The following CHD6 variants were observed in gnomAD, a reference collection of about 807,000 sequenced individuals.
CHD6 encodes ATP-dependent chromatin remodeler CHD6.
CHD6 carries 50 observed loss-of-function variants against 276.9 expected under a neutral mutation model. The ratio of observed to expected loss-of-function variants is 0.18; its 90% CI spans 0.14 to 0.23. CHD6 has a LOEUF of 0.23. Among genes scored for constraint, CHD6 ranks in the 10% least tolerant of loss-of-function variants. CHD6 has a pLI of 1.00. For synonymous variants in CHD6, 1,173 were observed against 1,229.3 expected (o/e 0.95, Z 0.96); for missense variants, 2,564 against 3,365.8 (o/e 0.76, Z 5.89).
intron 27 of CHD6, among the ~76,000 whole-genome samples, chr20:41,435,563 C>T (rs1040153508): frequency 6.8e-5 from 10 of 146,486 alleles, no homozygotes; most frequent in African/African-American, 2.5e-4. Flanking sequence ...ATGATTGCAT[C>T]ACCACACTCC....
At chr20:41,522,887 G>A (rs1294533235) in intron 3 of CHD6, among the ~76,000 whole-genome samples, 1 of 152,096 alleles carries the variant, frequency 6.6e-6, no homozygotes, top group African/African-American at 2.4e-5. Flanking sequence ...TTTTTACCAT[G>A]GTGATTGGTC....
Position 41,452,147 on chromosome 20 carries a change from A to G in CHD6, c.3324-122T>C. ...TTTGTTCTCTGTAGGTCTGTTAATC[A>G]TCCCAAGGGCTTTGTCCCGAAAGGC... On this transcript the variant is annotated intron_variant, in intron 21 of 36. Coordinates refer to ENST00000373233, the MANE Select transcript of CHD6 (RefSeq NM_032221.5). The surrounding 1 kb of genome is among the most constrained non-coding windows in gnomAD (Gnocchi z 4.2). 2 of 762,396 alleles carry G rather than the reference A, an allele frequency of 2.6e-6. No individual in the cohort carries two copies. Among genetic ancestry groups the G allele is most frequent in the Non-Finnish European group, 4.5e-6 (2 of 447,304 alleles). The allele number at this position is 762,396 out of a possible 1,614,324, so 47.2% of individuals were successfully genotyped here. A position where few individuals can be genotyped will look rare whatever the true frequency, so the allele number is the denominator to read the frequency against.
rs370012274 is a variant in CHD6, at chr20:41,483,341, G to C, written c.2436C>G (p.Leu812=). 1.9e-5 allele frequency: 31 copies of C among 1,613,430 alleles called. No homozygotes were observed. In the East Asian group the frequency reaches 6.0e-4, roughly 31 times the overall value. Residue 812 remains leucine, a synonymous_variant, in exon 16 of 37, where the codon CTC becomes CTG. Coordinates refer to ENST00000373233, the MANE Select transcript of CHD6 (RefSeq NM_032221.5). ...GGATGAGGTAATCTTCTAGGATGTC[G>C]AGGCAGCGCACCATCTGGGAGAAGA... is the stretch of plus-strand genomic sequence containing the variant. The part of the protein sequence containing the change: ...VLIFSQMVRC[L]DILEDYLIQR...
intron 1 of CHD6, among the ~76,000 whole-genome samples, chr20:41,608,878 C>T (rs779006821): frequency 1.3e-4 from 20 of 152,156 alleles, no homozygotes; most frequent in Non-Finnish European, 2.5e-4. Flanking sequence ...GCAACACAGT[C>T]AAGAACACAC....
In CHD6 at chr20:41,504,077, C is replaced by CAAAAAAAAAAAAAAAAA. The variant is rs1189323419; in HGVS notation, c.853-4737_853-4721dup. 3.0e-3 allele frequency among the ~76,000 whole-genome samples: 82 copies of CAAAAAAAAAAAAAAAAA among 27,092 alleles called. 3 individuals are homozygous for CAAAAAAAAAAAAAAAAA. The highest frequency in any genetic ancestry group is 5.6e-3 in the African/African-American group (43 of 7,716). The allele number at this position is 27,092 out of a possible 152,430, so 17.8% of individuals were successfully genotyped here. ...TGGGTGATAGAGTGAGACTCTGTCTCAAAAAAAAAAAAAAAAAAAAAAAAA... is the reference window on the plus strand; with the variant it reads ...TGGGTGATAGAGTGAGACTCTGTCTCAAAAAAAAAAAAAAAAAAAAAAAAAAAAAAAAAAAAAAAAAA... On this transcript the variant is annotated intron_variant, in intron 5 of 36. Coordinates refer to ENST00000373233, the MANE Select transcript of CHD6 (RefSeq NM_032221.5).
intron 17 of CHD6, among the ~76,000 whole-genome samples, chr20:41,458,778 C>T (rs1221921907): frequency 6.6e-6 from 1 of 151,952 alleles, no homozygotes; most frequent in East Asian, 1.9e-4. Flanking sequence ...TCTCTTTTAG[C>T]GGGAATGTTT....
intron 2 of CHD6, among the ~76,000 whole-genome samples, chr20:41,536,551 T>G (rs1358564831): frequency 1.3e-5 from 2 of 152,184 alleles, no homozygotes; most frequent in African/African-American, 4.8e-5. Context: ...AAAGTCAAAA[T>G]AGATTCTAAT....
intron 1 of CHD6, among the ~76,000 whole-genome samples, chr20:41,560,768 T>G (rs1298858241): frequency 6.6e-6 from 1 of 152,008 alleles, no homozygotes; most frequent in Non-Finnish European, 1.5e-5. Context: ...CTCAGTATTC[T>G]TCCTTCACAC....
chr20:41,438,900 GT>G (rs373889510), intron 26 of CHD6, among the ~76,000 whole-genome samples: 1 of 152,272 alleles, frequency 6.6e-6, no homozygotes, highest in South Asian at 2.1e-4. Context: ...TTCATCAGGG[GT>G]TAAGGACAGA....
chr20:41,474,668 A>T (rs2145789223), intron 16 of CHD6, among the ~76,000 whole-genome samples: 1 of 152,306 alleles, frequency 6.6e-6, no homozygotes, highest in Middle Eastern at 3.4e-3. Flanking sequence ...TTACATAAAT[A>T]AGCAGGAAGA....
chr20:41,583,797 T>C (rs2045565252), intron 1 of CHD6, among the ~76,000 whole-genome samples: 1 of 152,160 alleles, frequency 6.6e-6, no homozygotes, highest in African/African-American at 2.4e-5. Context: ...TCATACTATA[T>C]GAGAAGTAGT....
At chr20:41,440,258 T>C in intron 25 of CHD6, 129 bp from the exon 26 acceptor site, 1 of 841,284 alleles carries the variant, frequency 1.2e-6, no homozygotes, top group South Asian at 1.9e-5. Flanking sequence ...TTATTTAAGA[T>C]TAATGAGATC....
In CHD6 at chr20:41,452,795, T is replaced by C. The variant is rs759970922; in HGVS notation, c.3268A>G (p.Arg1090Gly). Residue 1090 changes from arginine (R) to glycine (G), a missense_variant, in exon 21 of 37, where the codon AGG becomes GGG. This residue lies in a region of CHD6 where 515 missense variants were observed against 739.5 expected (regional missense o/e 0.70). Coordinates refer to ENST00000373233, the MANE Select transcript of CHD6 (RefSeq NM_032221.5). The surrounding 1 kb of genome is among the most constrained non-coding windows in gnomAD (Gnocchi z 4.2). Reference protein sequence around the residue: ...TRSRRLNDKARRYLRAECFRV... With the variant: ...TRSRRLNDKAGRYLRAECFRV... The stretch of plus-strand genomic sequence containing the variant: ...AAGCACTCCGCTCGGAGGTAGCGCC[T>C]GGCTTTGTCATTGAGGCGCCTGGAT... 1.4e-5 allele frequency: 23 copies of C among 1,612,900 alleles called. No individual in the cohort carries two copies. Among genetic ancestry groups the C allele is most frequent in the Non-Finnish European group, 1.6e-5 (19 of 1,179,862 alleles).
At chr20:41,605,169 TATAAAGC>T (rs1364576305) in intron 1 of CHD6, among the ~76,000 whole-genome samples, 2 of 152,124 alleles carry the variant, frequency 1.3e-5, no homozygotes, top group Non-Finnish European at 2.9e-5. Context: ...GACAGAAAGT[TATAAAGC>T]AAATTTGTCA....
At chr20:41,413,597 T>C (rs1381675770) in intron 34 of CHD6, 82 bp from the exon 35 acceptor site, 1 of 1,169,628 alleles carries the variant, frequency 8.5e-7, no homozygotes, top group African/African-American at 1.6e-5. Context: ...TAAGGTGTTA[T>C]TTGAATCACT....
rs753265486 is a variant in CHD6, at chr20:41,455,806, A to G, written c.3003T>C (p.Phe1001=). 3.2e-6 allele frequency: 5 copies of G among 1,584,178 alleles called. No homozygotes were observed. Among genetic ancestry groups the G allele is most frequent in the South Asian group, 2.3e-5 (2 of 85,778 alleles). The change falls in exon 19 of 37, where the codon TTT becomes TTC. Residue 1001 remains phenylalanine (F), a synonymous_variant. Transcript: ENST00000373233. ...TGGAGAGAAGGCCCTGTACCTTGGC[A>G]AAAGTGGACCCTTTCCCCTCAGACT... ...TIQSEGKGST[F]AKASFVASGN...
intron 25 of CHD6, among the ~76,000 whole-genome samples, chr20:41,442,830 C>T (rs910843681): frequency 6.6e-6 from 1 of 152,156 alleles, no homozygotes; most frequent in African/African-American, 2.4e-5. Context: ...TGGACTCTGG[C>T]GGGTGCCAAA....
At chr20:41,594,277 C>G (rs1302279498) in intron 1 of CHD6, among the ~76,000 whole-genome samples, 1 of 152,188 alleles carries the variant, frequency 6.6e-6, no homozygotes, top group East Asian at 1.9e-4. Context: ...GTGGTCACAT[C>G]CCATGGCTCC....
intron 3 of CHD6, among the ~76,000 whole-genome samples, chr20:41,521,347 ACT>A (rs1568669639): frequency 6.6e-6 from 1 of 152,134 alleles, no homozygotes; most frequent in East Asian, 1.9e-4. Flanking sequence ...TGGTGAAGTG[ACT>A]CTGAAACTAT....
Sources: allele counts gnomAD v4.1 joint callset (sites outside exome capture counted in the v4.1 genomes callset), GRCh38; gene constraint gnomAD v4.1.1; regional missense constraint gnomAD v4.1.1; non-coding constraint Gnocchi (gnomAD v3.1); transcripts MANE v1.5; gene names NCBI Gene and HGNC (gene_info 2026-07-23, HGNC 2026-07-21).